ATAD5: variants seen among roughly 807,000 people sequenced by gnomAD.
The protein encoded by ATAD5 is ATPase family AAA domain containing 5, also known as ATPase family AAA domain-containing protein 5.
ATAD5 carries 58 observed loss-of-function variants against 176.9 expected under a neutral mutation model. The ratio of observed to expected loss-of-function variants is 0.33; its 90% CI spans 0.27 to 0.41. ATAD5 has a LOEUF of 0.41. Among genes scored for constraint, ATAD5 ranks in the 10% least tolerant of loss-of-function variants. The pLI, the probability that ATAD5 is intolerant of heterozygous loss-of-function variation, is 1.00. For missense variants in ATAD5, 1,789 were observed against 2,094.1 expected, an observed-to-expected ratio of 0.85 and a Z score of 2.84; for synonymous variants, 640 against 712.6, an observed-to-expected ratio of 0.90 and a Z score of 1.62.
chr17:30,842,803 G>A (rs1010786402), intron 4 of ATAD5, among the ~76,000 whole-genome samples: 1 of 152,082 alleles, frequency 6.6e-6, no homozygotes, highest in Admixed American at 6.5e-5. Context: ...AGAGTTAATG[G>A]CGCGATCTCA....
intron 6 of ATAD5, among the ~76,000 whole-genome samples, chr17:30,845,937 G>C (rs1221967008): frequency 6.6e-6 from 1 of 152,154 alleles, no homozygotes; most frequent in Non-Finnish European, 1.5e-5. Flanking sequence ...TATGCGCCTG[G>C]GTGGCATGAT....
At chr17:30,881,355 G>A (rs757702300) in intron 18 of ATAD5, among the ~76,000 whole-genome samples, 2 of 151,980 alleles carry the variant, frequency 1.3e-5, no homozygotes, top group South Asian at 2.1e-4. Flanking sequence ...GCTGGAGTAC[G>A]GTGGCACGAT....
chr17:30,865,463 C>T (rs549935192), intron 10 of ATAD5, among the ~76,000 whole-genome samples: 6 of 152,110 alleles, frequency 3.9e-5, no homozygotes, highest in South Asian at 4.2e-4. Flanking sequence ...TGAACCACCG[C>T]GCCTGGCTAA....
chr17:30,882,269 A>T (rs553989453), intron 18 of ATAD5, among the ~76,000 whole-genome samples: 28 of 151,420 alleles, frequency 1.8e-4, no homozygotes, highest in Non-Finnish European at 2.1e-4. Flanking sequence ...AAAAAAAAAA[A>T]TTGTCTAAAC....
In ATAD5 at chr17:30,834,976, A is replaced by G; in HGVS notation, c.895A>G (p.Ile299Val). 6.2e-7 allele frequency: 1 copy of G among 1,614,114 alleles called. No homozygotes were observed. The highest frequency in any genetic ancestry group is 8.5e-7 in the Non-Finnish European group (1 of 1,179,986). ...ICVPSETVDE[I>V]VKSGYISESE... ...TGTTCCTTCTGAAACTGTCGACGAA[A>G]TAGTCAAAAGTGGTTATATAAGTGA... is the stretch of plus-strand genomic sequence containing the variant. The change falls in exon 2 of 23, where the codon ATA becomes GTA. Residue 299 changes from isoleucine (I) to valine (V), a missense_variant. Physicochemically the swap from Ile to Val is conservative, Grantham distance 29 (BLOSUM62 3). This residue lies in a region of ATAD5 where 696 missense variants were observed against 712.5 expected (regional missense o/e 0.98). Coordinates refer to ENST00000321990, the MANE Select transcript of ATAD5 (RefSeq NM_024857.5).
At chr17:30,848,329 G>A (rs1156325571) in intron 6 of ATAD5, among the ~76,000 whole-genome samples, 2 of 151,544 alleles carry the variant, frequency 1.3e-5, no homozygotes, top group Admixed American at 6.6e-5. Flanking sequence ...TACTGTAGCC[G>A]TGACCTCCAA....
At position 30,893,678 on chromosome 17, in the gene ATAD5, GAAGAAAGCAAAGCCAGAGACA is replaced by G; in HGVS notation, c.4829_4849del (p.Glu1610_Lys1616del). On this transcript the variant is annotated inframe_deletion, in exon 21 of 23. Transcript: ENST00000321990. Reference sequence around the variant, plus strand: ...TGCAGAAGAAAGCAAAACCGGAGACGAAGAAAGCAAAGCCAGAGACAAAGGAAACAATCCAGAGACAAAGAA... The same window carrying G: ...TGCAGAAGAAAGCAAAACCGGAGACGAAGGAAACAATCCAGAGACAAAGAA... 1 of 1,613,226 alleles carries G rather than the reference GAAGAAAGCAAAGCCAGAGACA, an allele frequency of 6.2e-7. No homozygotes were observed. Among genetic ancestry groups the G allele is most frequent in the Non-Finnish European group, 8.5e-7 (1 of 1,179,732 alleles).
chr17:30,844,841 TG>T lies in ATAD5; in HGVS notation c.2376del (p.Met792IlefsTer47). 6.3e-7 allele frequency: 1 copy of T among 1,584,126 alleles called. No homozygotes were observed. The highest frequency in any genetic ancestry group is 2.3e-5 in the East Asian group (1 of 43,340). ...NTSTKNVPGK[M>X]KVAPLFLVRK... ...AAGTATTTATTTTTCTAAGGAAAAA[TG>T]AAAGTCGCTCCTTTATTTCTTGTCA... On this transcript the variant is annotated frameshift_variant, in exon 6 of 23. Transcript: ENST00000321990. LOFTEE classifies it high-confidence loss of function.
chr17:30,865,415 G>A (rs949051732), intron 10 of ATAD5, among the ~76,000 whole-genome samples: 6 of 151,858 alleles, frequency 4.0e-5, no homozygotes, highest in African/African-American at 1.2e-4. Flanking sequence ...CTCGTGATCC[G>A]CCCACCTCAG....
intron 6 of ATAD5, among the ~76,000 whole-genome samples, chr17:30,847,327 T>TAGAGAG (rs891308590): frequency 7.3e-5 from 11 of 150,570 alleles, no homozygotes; most frequent in Admixed American, 2.7e-4. Flanking sequence ...TATATATATA[T>TAGAGAG]AGAGAGAGAG....
At position 30,834,216 on chromosome 17, in the gene ATAD5, A is replaced by C; in HGVS notation, c.135A>C (p.Pro45=). Residue 45 remains proline (P), a synonymous_variant, in exon 2 of 23, where the codon CCA becomes CCC. Transcript: ENST00000321990. ...TCKTITKYLS[P]LGKTRDRVFA... ...AAACAATTACAAAATATTTATCACC[A>C]CTAGGGAAGACTAGAGACAGGGTTT... 21 of 1,610,362 alleles carry C rather than the reference A, an allele frequency of 1.3e-5. No individual in the cohort carries two copies. The highest frequency in any genetic ancestry group is 1.8e-5 in the Non-Finnish European group (21 of 1,179,016).
At chr17:30,885,000 G>A (rs558438373) in intron 18 of ATAD5, among the ~76,000 whole-genome samples, 1 of 152,250 alleles carries the variant, frequency 6.6e-6, no homozygotes, top group Non-Finnish European at 1.5e-5. Context: ...ACCCGCCTTT[G>A]CCTCCCAGAG....
intron 5 of ATAD5, 80 bp downstream of exon 5, chr17:30,844,119 G>GTAGT: frequency 8.7e-7 from 1 of 1,149,170 alleles, no homozygotes; most frequent in Admixed American, 3.0e-5. Context: ...GTGTTCTGGG[G>GTAGT]TATTTATTTA....
At chr17:30,880,608 CAAAAAAAA>C (rs199862765) in intron 18 of ATAD5, among the ~76,000 whole-genome samples, 1 of 79,238 alleles carries the variant, frequency 1.3e-5, no homozygotes, top group Admixed American at 1.3e-4. Flanking sequence ...AACTACATCT[CAAAAAAAA>C]AAAAAAAGAA....
intron 2 of ATAD5, among the ~76,000 whole-genome samples, chr17:30,836,816 C>T (rs1333288761): frequency 6.6e-6 from 1 of 151,914 alleles, no homozygotes; most frequent in Admixed American, 6.6e-5. Context: ...GATCTGCCTG[C>T]CTCGGCCTCC....
chr17:30,864,370 AG>A (rs1476884394), intron 10 of ATAD5: 1 of 152,210 alleles, frequency 6.6e-6, no homozygotes, highest in Non-Finnish European at 1.5e-5. Context: ...TTTCAACTCA[AG>A]GGGCACATAT....
intron 6 of ATAD5, among the ~76,000 whole-genome samples, chr17:30,853,779 C>T (rs1174442934): frequency 6.6e-6 from 1 of 152,108 alleles, no homozygotes; most frequent in African/African-American, 2.4e-5. Context: ...TAGTCAGCCT[C>T]CCTATGATTT....
At position 30,834,450 on chromosome 17, in the gene ATAD5, A is replaced by C. The variant is rs1308676046; in HGVS notation, c.369A>C (p.Leu123=). 5 of 1,591,606 alleles carry C rather than the reference A, an allele frequency of 3.1e-6. No individual in the cohort carries two copies. Among genetic ancestry groups the C allele is most frequent in the Non-Finnish European group, 4.3e-6 (5 of 1,170,552 alleles). The change falls in exon 2 of 23, where the codon CTA becomes CTC. Residue 123 remains leucine, a synonymous_variant. Transcript: ENST00000321990. The stretch of plus-strand genomic sequence containing the variant: ...AGAGGGTTAATTTATCTCATCAACT[A>C]AATAATATTAAAACTGAAAATGAAG... ...KRKRVNLSHQ[L]NNIKTENEAP...
At position 30,887,264 on chromosome 17, in the gene ATAD5, A is replaced by C. The variant is rs1406971346; in HGVS notation, c.4150A>C (p.Thr1384Pro). The change falls in exon 19 of 23, where the codon ACC becomes CCC. Residue 1384 changes from threonine to proline, a missense_variant. Physicochemically the swap from Thr to Pro is conservative, Grantham distance 38. Transcript: ENST00000321990. ...TAGAACTGATGTAAAAGACTTTGTAACCTTGTTAACTGCAAATACTTGTGA... is the reference window on the plus strand; with the variant it reads ...TAGAACTGATGTAAAAGACTTTGTACCCTTGTTAACTGCAAATACTTGTGA... ...NFRTDVKDFV[T>P]LLTANTCDIR... The C allele has an allele frequency of 1.2e-6, 2 of 1,607,948 alleles. No homozygotes were observed. Among genetic ancestry groups the C allele is most frequent in the African/African-American group, 1.3e-5 (1 of 74,574 alleles).
Sources: gnomAD v4.1 joint callset for allele counts (sites outside exome capture counted in the v4.1 genomes callset) on GRCh38, gnomAD v4.1.1 for gene constraint, gnomAD v4.1.1 regional missense constraint, MANE v1.5 for transcripts, NCBI Gene and HGNC (gene_info 2026-07-23, HGNC 2026-07-21) for gene names.